The following ADGRG1 variants were observed in gnomAD, a reference collection of about 807,000 sequenced individuals.
ADGRG1 encodes 7-transmembrane protein with no EGF-like N-terminal domains-1.
ADGRG1 carries 53 observed loss-of-function variants against 73.5 expected under a neutral mutation model. That is an observed-to-expected ratio of 0.72 (90% CI 0.58 to 0.91). The LOEUF is 0.91. ADGRG1 is among the 40% of genes least tolerant of loss of function. The pLI, the probability that ADGRG1 is intolerant of heterozygous loss-of-function variation, is 0.00. For synonymous variants in ADGRG1, 394 were observed against 374.4 expected (o/e 1.05, Z -0.60); for missense variants, 795 against 871.8 (o/e 0.91, Z 1.11).
rs57950461 is a variant in ADGRG1 at position 57,644,921 on chromosome 16, GCACA to G, written c.-35-5324_-35-5321del. 2,305 of 186,352 alleles carry G rather than the reference GCACA, an allele frequency of 0.012. 165 individuals are homozygous for G. The East Asian group carries it at 0.23, about 18-fold the overall frequency. The allele number at this position is 186,352 out of a possible 1,614,324, so 11.5% of individuals were successfully genotyped here. A position where few individuals can be genotyped will look rare whatever the true frequency, so the allele number is the denominator to read the frequency against. ...ACACACTCATCACTTCATAACTCATGCACACACACACTCATGCACGGGCACCCAC... is the reference window on the plus strand; with the variant it reads ...ACACACTCATCACTTCATAACTCATGCACACACTCATGCACGGGCACCCAC... On this transcript the variant is annotated intron_variant, in intron 1 of 13. Coordinates refer to ENST00000562631, the MANE Select transcript of ADGRG1 (RefSeq NM_201525.4).
upstream of ADGRG1, chr16:57,625,455 C>A (rs965822971): frequency 5.1e-6 from 2 of 395,268 alleles, no homozygotes; most frequent in Non-Finnish European, 6.9e-6. Context: ...GTGTCCCAGC[C>A]CTTTTCCTGG....
chr16:57,654,421 C>CCCT (rs2045034484), intron 5 of ADGRG1, among the ~76,000 whole-genome samples: 2 of 114,066 alleles, frequency 1.8e-5, no homozygotes, highest in Non-Finnish European at 3.5e-5. Context: ...CCCCCCCCCC[C>CCCT]GTTTTTTTTT....
At chr16:57,644,764 A>G (rs2042033200) in intron 1 of ADGRG1, among the ~76,000 whole-genome samples, 1 of 130,122 alleles carries the variant, frequency 7.7e-6, no homozygotes, top group African/African-American at 3.0e-5. Flanking sequence ...GCACACACCC[A>G]TGCACACACA....
chr16:57,636,432 C>T, intron 1 of ADGRG1: 1 of 985,238 alleles, frequency 1.0e-6, no homozygotes, highest in Non-Finnish European at 1.2e-6. Flanking sequence ...TGTTTCAGAT[C>T]CTATCAGGCT....
rs2148237678 is a variant in ADGRG1, at chr16:57,651,426, T to C, written c.291T>C (p.His97=). ...LYHFCLYWNR[H]AGRLHLLYGK... ...ACTTCTGCCTCTACTGGAACCGACA[T>C]GCTGGGAGATTACATCTTCTCTATG... Residue 97 remains histidine, a synonymous_variant, in exon 3 of 14, where the codon CAT becomes CAC. Transcript: ENST00000562631. The C allele has an allele frequency of 6.2e-7, 1 of 1,614,230 alleles. No individual in the cohort carries two copies. Among genetic ancestry groups the C allele is most frequent in the Non-Finnish European group, 8.5e-7 (1 of 1,180,038 alleles).
Position 57,656,609 on chromosome 16 carries a change from G to A in ADGRG1, c.1159G>A (p.Val387Met). 1.2e-6 allele frequency: 2 copies of A among 1,603,430 alleles called. No homozygotes were observed. The highest frequency in any genetic ancestry group is 1.7e-6 in the Non-Finnish European group (2 of 1,170,282). ...CTGCAACCACTTGACCTACTTTGCA[G>A]TGCTGATGGTGAGGGTCCCTGCTCC... The part of the protein sequence containing the change: ...CFCNHLTYFA[V>M]LMVSSVEVDA... Residue 387 changes from valine (V) to methionine (M), a missense_variant, in exon 9 of 14, where the codon GTG becomes ATG. Coordinates refer to ENST00000562631, the MANE Select transcript of ADGRG1 (RefSeq NM_201525.4).
Position 57,654,102 on chromosome 16 carries a change from T to G in ADGRG1, c.737T>G (p.Leu246Arg). 1 of 1,613,618 alleles carries G rather than the reference T, an allele frequency of 6.2e-7. No homozygotes were observed. The highest frequency in any genetic ancestry group is 8.5e-7 in the Non-Finnish European group (1 of 1,180,028). ...TVWKLQPTAG[L>R]QDLHIHSRQE... Reference sequence around the variant, plus strand: ...TGGAAGCTCCAGCCCACAGCCGGCCTCCAGGACCTGCACATCCACTCCCGG... The same window carrying G: ...TGGAAGCTCCAGCCCACAGCCGGCCGCCAGGACCTGCACATCCACTCCCGG... Residue 246 changes from leucine (L) to arginine (R), a missense_variant, in exon 5 of 14, where the codon CTC (leucine) becomes CGC (arginine). Physicochemically the swap from Leu to Arg is moderately radical, Grantham distance 102. Transcript: ENST00000562631.
chr16:57,664,899 T>A lies in ADGRG1; in HGVS notation c.*1317T>A, dbSNP rs2047977020. 6.5e-6 allele frequency: 1 copy of A among 153,794 alleles called. No individual in the cohort carries two copies. Among genetic ancestry groups the A allele is most frequent in the African/African-American group, 2.4e-5 (1 of 41,468 alleles). 9.5% of individuals were successfully genotyped at this position (153,794 alleles called of 1,614,324 possible). ...TTGACCTTGAAGATGGGAAGGATGT[T>A]CTTTTTACGTACCAATTCTTTTGTC... On this transcript the variant is annotated 3_prime_UTR_variant, in exon 14 of 14. Coordinates refer to ENST00000562631, the MANE Select transcript of ADGRG1 (RefSeq NM_201525.4).
intron 1 of ADGRG1, among the ~76,000 whole-genome samples, chr16:57,641,859 C>T (rs1201928627): frequency 3.3e-5 from 5 of 152,034 alleles, no homozygotes; most frequent in African/African-American, 1.2e-4. Flanking sequence ...GTCGCCGTGC[C>T]TGGCCTCCAA....
At position 57,657,393 on chromosome 16, in the gene ADGRG1, C is replaced by T. The variant is rs368883473; in HGVS notation, c.1188C>T (p.Asp396=). 233 of 1,613,992 alleles carry T rather than the reference C, an allele frequency of 1.4e-4. 2 individuals are homozygous for T. The highest frequency in any genetic ancestry group is 5.7e-4 in the South Asian group (52 of 91,080). ...AVLMVSSVEV[D]AVHKHYLSLL... ...GCCAGGTCTCCTCGGTGGAGGTGGACGCCGTGCACAAGCACTACCTGAGCC... is the reference window on the plus strand; with the variant it reads ...GCCAGGTCTCCTCGGTGGAGGTGGATGCCGTGCACAAGCACTACCTGAGCC... Residue 396 remains aspartate (D), a synonymous_variant, in exon 10 of 14, where the codon GAC becomes GAT. Transcript: ENST00000562631.
At chr16:57,650,477 T>A in intron 2 of ADGRG1, 126 bp downstream of exon 2, 1 of 1,557,540 alleles carries the variant, frequency 6.4e-7, no homozygotes, top group Non-Finnish European at 8.7e-7. Context: ...GGAGGGTACC[T>A]TGGAGAAAAG....
chr16:57,650,770 G>A (rs1013306513), intron 2 of ADGRG1, among the ~76,000 whole-genome samples: 11 of 148,142 alleles, frequency 7.4e-5, no homozygotes, highest in East Asian at 5.9e-4. Context: ...GTGCAGTGGC[G>A]GGATCTCGGC....
chr16:57,658,832 G>C (rs1431041684), intron 10 of ADGRG1: 3 of 317,774 alleles, frequency 9.4e-6, no homozygotes, highest in Non-Finnish European at 1.4e-5. Context: ...AAGGGGAGGG[G>C]ACCAGCTGAA....
intron 1 of ADGRG1, chr16:57,637,606 C>G (rs144828082): frequency 1.0e-6 from 1 of 985,278 alleles, no homozygotes; most frequent in East Asian, 1.1e-4. Context: ...ACAGCAAGTC[C>G]TTTCTTTGCT....
intron 1 of ADGRG1, chr16:57,643,564 G>A (rs1343615248): frequency 1.0e-6 from 1 of 983,574 alleles, no homozygotes; most frequent in African/African-American, 1.7e-5. Context: ...GGTATGGGGG[G>A]TGGGGGGTGT....
Position 57,656,185 on chromosome 16 carries a change from G to A in ADGRG1, c.1018-41G>A, listed in dbSNP as rs117746167. ...CTGGCCTGTAAAGTTGGAGGGGTGGGGGGCTGTCACAGAAACCACTCTCCT... is the reference window on the plus strand; with the variant it reads ...CTGGCCTGTAAAGTTGGAGGGGTGGAGGGCTGTCACAGAAACCACTCTCCT... On this transcript the variant is annotated intron_variant, in intron 7 of 13. Coordinates refer to ENST00000562631, the MANE Select transcript of ADGRG1 (RefSeq NM_201525.4). 1,595 of 1,613,684 alleles carry A rather than the reference G, an allele frequency of 9.9e-4. 16 individuals carry two copies. In the East Asian group the frequency reaches 0.022, roughly 23 times the overall value.
rs113236752 is a variant in ADGRG1 at position 57,653,419 on chromosome 16, G to A, written c.620+84G>A. ...GGGCAGGGTGGGACCTGGAGTAGGGGCTACTGCGAGGCCTTCCCTGGGACT... is the reference window on the plus strand; with the variant it reads ...GGGCAGGGTGGGACCTGGAGTAGGGACTACTGCGAGGCCTTCCCTGGGACT... On this transcript the variant is annotated intron_variant, in intron 4 of 13. Transcript: ENST00000562631. The A allele has an allele frequency of 3.1e-5, 49 of 1,584,118 alleles. 2 individuals carry two copies. In the African/African-American group the frequency reaches 3.8e-4, roughly 12 times the overall value.
intron 2 of ADGRG1, chr16:57,621,716 C>T (rs2034856868): frequency 3.9e-6 from 1 of 255,134 alleles, no homozygotes; most frequent in African/African-American, 2.3e-5. Context: ...ACTGCCTGAC[C>T]AGAGGCACCT....
At chr16:57,643,466 A>G (rs1597310067) in intron 1 of ADGRG1, 1 of 635,866 alleles carries the variant, frequency 1.6e-6, no homozygotes, top group African/African-American at 2.0e-5. Flanking sequence ...CACTCTTCCC[A>G]CAGGGTGTGT....
Sources: allele counts gnomAD v4.1 joint callset (sites outside exome capture counted in the v4.1 genomes callset), GRCh38; gene constraint gnomAD v4.1.1; transcripts MANE v1.5; gene names NCBI Gene and HGNC (gene_info 2026-07-23, HGNC 2026-07-21).